The following KIF16B variants were observed in gnomAD, a reference collection of about 807,000 sequenced individuals.
KIF16B encodes kinesin-like protein KIF16B.
A neutral mutation model predicts 156.3 loss-of-function variants in KIF16B; 98 were observed. The ratio of observed to expected loss-of-function variants is 0.63; its 90% confidence interval spans 0.53 to 0.74. The LOEUF (loss-of-function observed/expected upper bound fraction) is 0.74, where lower values mean the gene tolerates loss of function less well. KIF16B is among the 30% of genes least tolerant of loss of function. The probability of loss-of-function intolerance (pLI) is 0.00; values close to 1 mark genes in which losing one functional copy is unlikely to be tolerated. For synonymous variants in KIF16B, 564 were observed against 583.7 expected, an observed-to-expected ratio of 0.97 and a Z score of 0.49; for missense variants, 1,421 against 1,606.5, an observed-to-expected ratio of 0.88 and a Z score of 1.97.
chr20:16,334,137 G>A (rs2063995450), intron 24 of KIF16B, among the ~76,000 whole-genome samples: 1 of 152,144 alleles, frequency 6.6e-6, no homozygotes, highest in Non-Finnish European at 1.5e-5. Flanking sequence ...ATACATCCTG[G>A]AATGAATGTG....
rs572399847 is a variant in KIF16B at position 16,277,868 on chromosome 20, T to C, written c.3796-4457A>G. Among the ~76,000 whole-genome samples the C allele has an allele frequency of 3.3e-5, 5 of 152,300 alleles. No individual in the cohort carries two copies. In the East Asian group the frequency reaches 9.6e-4, roughly 29 times the overall value. On this transcript the variant is annotated intron_variant, in intron 25 of 25. Transcript: ENST00000354981. ...ATAAAAAGAAATAAAAGCAGGCGTA[T>C]TTAAATCTCTAGCACGTCAGGGACC...
chr20:16,372,072 T>G (rs1366265431), intron 20 of KIF16B, among the ~76,000 whole-genome samples: 1 of 152,156 alleles, frequency 6.6e-6, no homozygotes, highest in Non-Finnish European at 1.5e-5. Flanking sequence ...AATCAGTCAC[T>G]GGCTTCAGAA....
At chr20:16,503,064 A>C (rs2068672340) in intron 10 of KIF16B, among the ~76,000 whole-genome samples, 1 of 152,164 alleles carries the variant, frequency 6.6e-6, no homozygotes, top group South Asian at 2.1e-4. Flanking sequence ...AAATACAAAA[A>C]AATTAGCCAG....
At chr20:16,387,278 T>C (rs2065250859) in intron 17 of KIF16B, among the ~76,000 whole-genome samples, 2 of 152,168 alleles carry the variant, frequency 1.3e-5, no homozygotes, top group African/African-American at 4.8e-5. Context: ...GCTTAGAGAC[T>C]ATTAATTTAC....
In KIF16B at chr20:16,549,412, T is replaced by A. The variant is rs1465946070; in HGVS notation, c.48-20972A>T. On this transcript the variant is annotated intron_variant, in intron 1 of 25. Transcript: ENST00000354981. ...TGCATAGTATCCCATGGTGTATATG[T>A]GCCACATTTTCTTAATCCAGTCTAT... Among the ~76,000 whole-genome samples the A allele has an allele frequency of 6.0e-3, 912 of 152,100 alleles. 11 individuals carry two copies. Among genetic ancestry groups the A allele is most frequent in the African/African-American group, 0.021 (865 of 41,456 alleles).
At chr20:16,545,142 C>A (rs191380303) in intron 1 of KIF16B, among the ~76,000 whole-genome samples, 49 of 152,252 alleles carry the variant, frequency 3.2e-4, no homozygotes, top group Non-Finnish European at 6.8e-4. Flanking sequence ...TGAGTATCTT[C>A]TTTTGAGTCA....
chr20:16,561,984 T>C (rs978910172), intron 1 of KIF16B, among the ~76,000 whole-genome samples: 2 of 152,142 alleles, frequency 1.3e-5, no homozygotes, highest in African/African-American at 4.8e-5. Flanking sequence ...AGGAAGACAT[T>C]AGTGGGAAAA....
intron 12 of KIF16B, among the ~76,000 whole-genome samples, chr20:16,468,897 T>C (rs775917956): frequency 2.0e-5 from 3 of 152,146 alleles, no homozygotes; most frequent in Non-Finnish European, 4.4e-5. Flanking sequence ...ACACATTCTT[T>C]TCACTGTCAC....
intron 21 of KIF16B, 76 bp downstream of exon 21, chr20:16,371,589 C>CAAAAAA: frequency 6.4e-6 from 4 of 623,184 alleles, no homozygotes; most frequent in South Asian, 2.1e-5. Flanking sequence ...GACTCAGTCT[C>CAAAAAA]AAAAAAAAAA....
At chr20:16,279,038 C>G (rs2063106337) in intron 25 of KIF16B, among the ~76,000 whole-genome samples, 2 of 152,134 alleles carry the variant, frequency 1.3e-5, no homozygotes, top group Non-Finnish European at 2.9e-5. Context: ...TACAGGGAGC[C>G]AAGGCAGCTC....
chr20:16,552,599 G>T (rs1471693663), intron 1 of KIF16B, among the ~76,000 whole-genome samples: 3 of 152,130 alleles, frequency 2.0e-5, no homozygotes, highest in African/African-American at 7.2e-5. Context: ...GTACAACAAA[G>T]GCAAGAACTG....
At chr20:16,347,798 G>A (rs1176727012) in intron 23 of KIF16B, among the ~76,000 whole-genome samples, 1 of 152,194 alleles carries the variant, frequency 6.6e-6, no homozygotes, top group Non-Finnish European at 1.5e-5. Context: ...TACACGTGCA[G>A]GGAGATAATC....
Position 16,477,392 on chromosome 20 carries a change from A to C in KIF16B, c.1302+16899T>G, listed in dbSNP as rs79633429. ...AGGAGAACAGTGTTAAGACACCTTA[A>C]GACTCAAACAACAAACAAGGTTTGC... On this transcript the variant is annotated intron_variant, in intron 12 of 25. Transcript: ENST00000354981. 5.6e-3 allele frequency among the ~76,000 whole-genome samples: 851 copies of C among 152,286 alleles called. 5 individuals are homozygous for C. The highest frequency in any genetic ancestry group is 0.019 in the African/African-American group (795 of 41,566).
Position 16,365,365 on chromosome 20 carries a change from T to C in KIF16B, c.3498+5221A>G, listed in dbSNP as rs183362900. 8.5e-5 allele frequency among the ~76,000 whole-genome samples: 13 copies of C among 152,314 alleles called. No individual in the cohort carries two copies. The East Asian group carries it at 2.5e-3, about 29-fold the overall frequency. On this transcript the variant is annotated intron_variant, in intron 22 of 25. Coordinates refer to ENST00000354981, the MANE Select transcript of KIF16B (RefSeq NM_024704.5). ...ATAATGACAAATTAGTGACTATTTT[T>C]AATGATGTCCTCATCAAAGAGTTAA...
chr20:16,396,648 C>CTTCTTTTTTTTTTTTTT (rs549708653), intron 17 of KIF16B, among the ~76,000 whole-genome samples: 1 of 124,674 alleles, frequency 8.0e-6, no homozygotes, highest in African/African-American at 2.8e-5. Flanking sequence ...ACTGTAGTCG[C>CTTCTTTTTTTTTTTTTT]TTTTTTTTTT....
chr20:16,558,325 C>A (rs1205663192), intron 1 of KIF16B, among the ~76,000 whole-genome samples: 1 of 152,210 alleles, frequency 6.6e-6, no homozygotes, highest in Admixed American at 6.5e-5. Context: ...AACAGGTTCC[C>A]AGCCTTCCCT....
chr20:16,452,542 T>C lies in KIF16B; in HGVS notation c.1303-22560A>G, dbSNP rs2067109151. Among the ~76,000 whole-genome samples the C allele has an allele frequency of 4.0e-5, 6 of 151,860 alleles. No individual in the cohort carries two copies. The South Asian group carries it at 6.2e-4, about 16-fold the overall frequency. On this transcript the variant is annotated intron_variant, in intron 12 of 25. Transcript: ENST00000354981. ...AAACAGGGATGCAGAAGAAAATGCATAGAACTCAGGAGGCCGGGAGCAGTG... is the reference window on the plus strand; with the variant it reads ...AAACAGGGATGCAGAAGAAAATGCACAGAACTCAGGAGGCCGGGAGCAGTG...
chr20:16,423,359 T>G (rs951785422), intron 15 of KIF16B, among the ~76,000 whole-genome samples: 5 of 152,170 alleles, frequency 3.3e-5, no homozygotes, highest in Non-Finnish European at 5.9e-5. Context: ...AAGTTCATTT[T>G]AAAAGTAACA....
rs200765594 is a variant in KIF16B at position 16,414,492 on chromosome 20, GC to G, written c.1613-8037del. 9.8e-3 allele frequency among the ~76,000 whole-genome samples: 1,490 copies of G among 152,170 alleles called. 28 individuals are homozygous for G. The highest frequency in any genetic ancestry group is 0.034 in the African/African-American group (1,416 of 41,516). On this transcript the variant is annotated intron_variant, in intron 15 of 25. Transcript: ENST00000354981. ...TTCAAATATGGATTTACAATTTCCT[GC>G]TTTAGATAAATCACTTCAACCTCTG...
Sources: allele counts gnomAD v4.1 joint callset (sites outside exome capture counted in the v4.1 genomes callset), GRCh38; gene constraint gnomAD v4.1.1; transcripts MANE v1.5; gene names NCBI Gene and HGNC (gene_info 2026-07-23, HGNC 2026-07-21).